Variants in DGKB observed in about 807,000 individuals in gnomAD.
The protein encoded by DGKB is 90 kDa diacylglycerol kinase.
A neutral mutation model predicts 114.3 loss-of-function variants in DGKB; 67 were observed. The observed-to-expected ratio is 0.59, with a 90% CI of 0.48 to 0.72. The LOEUF is 0.72. DGKB is among the 30% of genes least tolerant of loss of function. The pLI, the probability that DGKB is intolerant of heterozygous loss-of-function variation, is 0.00. For synonymous variants in DGKB, 398 were observed against 323.1 expected, an observed-to-expected ratio of 1.23 and a Z score of -2.49; for missense variants, 907 against 975.2, an observed-to-expected ratio of 0.93 and a Z score of 0.93.
At chr7:14,583,305 A>G (rs371395380) in intron 17 of DGKB, among the ~76,000 whole-genome samples, 168 bp from the exon 18 acceptor site, 81 of 152,246 alleles carry the variant, frequency 5.3e-4, no homozygotes, top group South Asian at 4.8e-3. Context: ...ATAATTATAT[A>G]TTCAAGATTC....
intron 20 of DGKB, among the ~76,000 whole-genome samples, chr7:14,572,003 A>C (rs575325283): frequency 2.0e-5 from 3 of 152,310 alleles, no homozygotes; most frequent in South Asian, 2.1e-4. Flanking sequence ...AAACGAGGAG[A>C]TATGCAAAGG....
At chr7:14,879,491 A>C (rs372483703) in intron 1 of DGKB, among the ~76,000 whole-genome samples, 1 of 152,174 alleles carries the variant, frequency 6.6e-6, no homozygotes, top group South Asian at 2.1e-4. Flanking sequence ...TTAAAGTAAA[A>C]CTTGCTTTCT....
At chr7:14,383,615 G>T (rs897106435) in intron 21 of DGKB, among the ~76,000 whole-genome samples, 7 of 152,102 alleles carry the variant, frequency 4.6e-5, no homozygotes, top group Non-Finnish European at 5.9e-5. Context: ...TCCAGCCCGC[G>T]TATCAATGTA....
chr7:14,427,685 G>C (rs1583861652), intron 21 of DGKB, among the ~76,000 whole-genome samples: 1 of 152,154 alleles, frequency 6.6e-6, no homozygotes, highest in African/African-American at 2.4e-5. Flanking sequence ...GCAGACAAGA[G>C]AAGAGAGCTT....
chr7:14,932,000 G>T (rs1157823380), intron 1 of DGKB, among the ~76,000 whole-genome samples: 2 of 152,088 alleles, frequency 1.3e-5, no homozygotes, highest in African/African-American at 2.4e-5. Context: ...CAATGCTGCT[G>T]GTTCCCAGGA....
At chr7:14,441,350 T>G (rs976919175) in intron 21 of DGKB, among the ~76,000 whole-genome samples, 7 of 152,040 alleles carry the variant, frequency 4.6e-5, no homozygotes, top group Non-Finnish European at 8.8e-5. Flanking sequence ...TGTCTTCCTC[T>G]TCATATTCAC....
chr7:14,840,679 C>T (rs542628955), intron 2 of DGKB, among the ~76,000 whole-genome samples: 10 of 147,722 alleles, frequency 6.8e-5, no homozygotes, highest in African/African-American at 2.5e-4. Context: ...TCTATGACTC[C>T]CTGCTTCCTA....
intron 23 of DGKB, among the ~76,000 whole-genome samples, chr7:14,253,341 G>T (rs1795514799): frequency 6.6e-6 from 1 of 152,068 alleles, no homozygotes; most frequent in Non-Finnish European, 1.5e-5. Flanking sequence ...CACTTAAATT[G>T]ATTTGTATGT....
chr7:14,456,532 T>C (rs1191383940), intron 21 of DGKB, among the ~76,000 whole-genome samples: 4 of 152,090 alleles, frequency 2.6e-5, no homozygotes, highest in Non-Finnish European at 4.4e-5. Flanking sequence ...AATTAAATCA[T>C]GCTATGAATA....
intron 2 of DGKB, among the ~76,000 whole-genome samples, chr7:14,817,882 T>C (rs1276205369): frequency 6.6e-6 from 1 of 151,888 alleles, no homozygotes; most frequent in Non-Finnish European, 1.5e-5. Context: ...CATGTGCATA[T>C]AGAAGCACAC....
intron 23 of DGKB, among the ~76,000 whole-genome samples, chr7:14,242,292 G>A (rs1213218099): frequency 6.6e-6 from 1 of 152,106 alleles, no homozygotes; most frequent in African/African-American, 2.4e-5. Context: ...CAGCCAAACC[G>A]AAAGGCCCTG....
intron 13 of DGKB, among the ~76,000 whole-genome samples, chr7:14,671,862 T>G (rs1193266988): frequency 6.6e-6 from 1 of 152,104 alleles, no homozygotes; most frequent in Non-Finnish European, 1.5e-5. Context: ...TAACCTAAAA[T>G]GTAAAGTATT....
At chr7:14,503,462 G>A (rs1166485245) in intron 20 of DGKB, among the ~76,000 whole-genome samples, 3 of 151,904 alleles carry the variant, frequency 2.0e-5, no homozygotes, top group Admixed American at 6.6e-5. Flanking sequence ...TTTATATCAT[G>A]ATCTATATTT....
At chr7:14,195,030 A>C (rs562118897) in intron 23 of DGKB, among the ~76,000 whole-genome samples, 79 of 152,296 alleles carry the variant, frequency 5.2e-4, no homozygotes, top group African/African-American at 1.9e-3. Flanking sequence ...GAAAGAGTTT[A>C]AAGACTTCCC....
At chr7:14,277,766 A>G (rs1262683977) in intron 23 of DGKB, among the ~76,000 whole-genome samples, 1 of 152,118 alleles carries the variant, frequency 6.6e-6, no homozygotes, top group Non-Finnish European at 1.5e-5. Flanking sequence ...TCAGTTTTCA[A>G]TTTCTTTGGA....
intron 5 of DGKB, among the ~76,000 whole-genome samples, chr7:14,731,819 G>A (rs1020781475): frequency 3.9e-5 from 6 of 152,200 alleles, no homozygotes; most frequent in Admixed American, 6.5e-5. Flanking sequence ...TGGCAGAGAC[G>A]AGAGATTAGA....
chr7:14,862,609 A>C (rs1851147315), intron 1 of DGKB, among the ~76,000 whole-genome samples: 1 of 152,104 alleles, frequency 6.6e-6, no homozygotes, highest in African/African-American at 2.4e-5. Context: ...CTTGGAGTTC[A>C]ATAAAGGAGC....
intron 23 of DGKB, among the ~76,000 whole-genome samples, chr7:14,325,090 A>T (rs892143512): frequency 1.3e-5 from 2 of 152,178 alleles, no homozygotes; most frequent in Non-Finnish European, 2.9e-5. Flanking sequence ...AGCAGGCAGC[A>T]CCTCACAATG....
intron 23 of DGKB, among the ~76,000 whole-genome samples, chr7:14,238,679 C>G (rs147839741): frequency 1.3e-5 from 2 of 151,288 alleles, no homozygotes; most frequent in African/African-American, 4.9e-5. Context: ...GAGAGGTGGA[C>G]GTGAAGTTGA....
Sources: gnomAD v4.1 joint callset for allele counts (sites outside exome capture counted in the v4.1 genomes callset) on GRCh38, gnomAD v4.1.1 for gene constraint, MANE v1.5 for transcripts, NCBI Gene and HGNC (gene_info 2026-07-23, HGNC 2026-07-21) for gene names.